Variants in PSMD13 observed in about 807,000 individuals in gnomAD.
The protein encoded by PSMD13 is proteasome 26S subunit, non-ATPase 13, also known as 26S proteasome non-ATPase regulatory subunit 13.
PSMD13 carries 8 observed loss-of-function variants against 57.4 expected under a neutral mutation model. The ratio of observed to expected loss-of-function variants is 0.14; its 90% CI spans 0.08 to 0.25. The LOEUF (loss-of-function observed/expected upper bound fraction) is 0.25, where lower values mean the gene tolerates loss of function less well. PSMD13 is among the 10% of genes least tolerant of loss of function. The probability of loss-of-function intolerance (pLI) is 1.00; values close to 1 mark genes in which losing one functional copy is unlikely to be tolerated. For synonymous variants in PSMD13, 193 were observed against 168.2 expected, an observed-to-expected ratio of 1.15 and a Z score of -1.14; for missense variants, 400 against 461.5, an observed-to-expected ratio of 0.87 and a Z score of 1.22.
In PSMD13 at chr11:251,655, G is replaced by A. The variant is rs1453464392; in HGVS notation, c.918+29G>A. The A allele has an allele frequency of 1.9e-6, 3 of 1,594,296 alleles. No homozygotes were observed. The highest frequency in any genetic ancestry group is 2.6e-6 in the Non-Finnish European group (3 of 1,163,678). ...CGGTCCCTAGGCTCAGGGTGTTAGA[G>A]CAGCAAAGCTGCCACATGGAGGAGT... On this transcript the variant is annotated intron_variant, in intron 11 of 12. Coordinates refer to ENST00000532097, the MANE Select transcript of PSMD13 (RefSeq NM_002817.4). The surrounding 1 kb of genome is among the most constrained non-coding windows in gnomAD (Gnocchi z 4.6).
chr11:243,093 T>C (rs6598067), intron 2 of PSMD13: 422,085 of 513,874 alleles, frequency 0.82, 173,426 homozygotes, highest in African/African-American at 0.89. Flanking sequence ...TGCGCCCGGA[T>C]GGTTACGTCT....
intron 7 of PSMD13, 159 bp downstream of exon 7, chr11:247,607 G>A: frequency 1.4e-6 from 1 of 718,638 alleles, no homozygotes; most frequent in South Asian, 2.0e-5. Flanking sequence ...TGAAGTGAGT[G>A]GATCACCTGA....
At chr11:239,125 C>G in intron 2 of PSMD13, 49 bp downstream of exon 2, 1 of 1,486,084 alleles carries the variant, frequency 6.7e-7, no homozygotes, top group Non-Finnish European at 9.4e-7. Flanking sequence ...TGCTCAAGGA[C>G]TTTTGAAAAT....
At chr11:243,240 G>A in intron 2 of PSMD13, 1 of 519,940 alleles carries the variant, frequency 1.9e-6, no homozygotes, top group South Asian at 1.7e-5. Context: ...GGTGGGAAAT[G>A]TACAAGATAG....
chr11:252,782 G>A lies in PSMD13; in HGVS notation c.*182G>A. 1 of 581,828 alleles carries A rather than the reference G, an allele frequency of 1.7e-6. No individual in the cohort carries two copies. The allele number at this position is 581,828 out of a possible 1,614,324, so 36.0% of individuals were successfully genotyped here. ...CCTGATGGGAGCCAGGCCACAGGGA[G>A]GAGGCTTCTTTGTGGGTCTCTCCTG... On this transcript the variant is annotated 3_prime_UTR_variant, in exon 13 of 13. Transcript: ENST00000532097. The surrounding 1 kb of genome is among the most constrained non-coding windows in gnomAD (Gnocchi z 4.1).
At chr11:245,641 CGTGTGTGTGTGTGTGTGTGT>C (rs4029226) in intron 6 of PSMD13, among the ~76,000 whole-genome samples, 11 of 122,430 alleles carry the variant, frequency 9.0e-5, no homozygotes, top group East Asian at 4.8e-4. Flanking sequence ...TGAACCAGAA[CGTGTGTGTGTGTGTGTGTGT>C]GTGTGTGTGT....
intron 4 of PSMD13, 100 bp from the exon 5 acceptor site, chr11:244,326 T>C (rs1382877962): frequency 4.4e-6 from 7 of 1,576,926 alleles, no homozygotes; most frequent in Non-Finnish European, 6.0e-6. Context: ...GTTTTTATTA[T>C]ACTTTATGGT....
chr11:247,282 A>C lies in PSMD13; in HGVS notation c.402A>C (p.Thr134=), dbSNP rs773473308. Residue 134 remains threonine (T), a synonymous_variant, in exon 7 of 13, where the codon ACA becomes ACC. Coordinates refer to ENST00000532097, the MANE Select transcript of PSMD13 (RefSeq NM_002817.4). ...ATTTTCCTTCCTGTGTATAGGAAAC[A>C]ATTGAAGATGTTGAAGAAATGCTCA... is the stretch of plus-strand genomic sequence containing the variant. ...NIGDLQVTKE[T]IEDVEEMLNN... 2.4e-5 allele frequency: 38 copies of C among 1,610,980 alleles called. No individual in the cohort carries two copies. The highest frequency in any genetic ancestry group is 3.0e-5 in the Non-Finnish European group (35 of 1,178,982).
chr11:244,766 G>A lies in PSMD13; in HGVS notation c.396+5G>A, dbSNP rs1250499017. 1 of 1,591,636 alleles carries A rather than the reference G, an allele frequency of 6.3e-7. No homozygotes were observed. The highest frequency in any genetic ancestry group is 1.7e-5 in the Admixed American group (1 of 58,980). ...GGGGACCTACAGGTTACAAAGGTGA[G>A]ATCACCATAATACAGATTTATCTTT... On this transcript the variant is annotated splice_donor_5th_base_variant and intron_variant, in intron 6 of 12. Coordinates refer to ENST00000532097, the MANE Select transcript of PSMD13 (RefSeq NM_002817.4).
Position 252,095 on chromosome 11 carries a change from T to G in PSMD13, c.1035+159T>G. On this transcript the variant is annotated intron_variant, in intron 12 of 12. Coordinates refer to ENST00000532097, the MANE Select transcript of PSMD13 (RefSeq NM_002817.4). The surrounding 1 kb of genome is among the most constrained non-coding windows in gnomAD (Gnocchi z 4.1). Reference sequence around the variant, plus strand: ...CTGCTGTTGGGTTTTTCTAAGAGCCTAATTTAATGCAAGCCTAGGGTTTGA... The same window carrying G: ...CTGCTGTTGGGTTTTTCTAAGAGCCGAATTTAATGCAAGCCTAGGGTTTGA... The G allele has an allele frequency of 1.5e-6, 1 of 681,188 alleles. No homozygotes were observed. The highest frequency in any genetic ancestry group is 1.8e-5 in the South Asian group (1 of 54,214). The allele number at this position is 681,188 out of a possible 1,614,324, so 42.2% of individuals were successfully genotyped here.
rs1859758627 is a variant in PSMD13 at position 251,165 on chromosome 11, T to C, written c.837+300T>C. Reference sequence around the variant, plus strand: ...TCCCCGTGATGCAGTTGTTGCCTCATTGCATGTCGCTTCTTGTGTACACGC... The same window carrying C: ...TCCCCGTGATGCAGTTGTTGCCTCACTGCATGTCGCTTCTTGTGTACACGC... On this transcript the variant is annotated intron_variant, in intron 10 of 12. Coordinates refer to ENST00000532097, the MANE Select transcript of PSMD13 (RefSeq NM_002817.4). The surrounding 1 kb of genome is among the most constrained non-coding windows in gnomAD (Gnocchi z 4.6). 2 of 463,844 alleles carry C rather than the reference T, an allele frequency of 4.3e-6. No homozygotes were observed. Among genetic ancestry groups the C allele is most frequent in the Admixed American group, 7.1e-5 (2 of 28,276 alleles). 28.7% of individuals were successfully genotyped at this position (463,844 alleles called of 1,614,324 possible).
chr11:245,992 A>C (rs1314991304), intron 6 of PSMD13, among the ~76,000 whole-genome samples: 1 of 152,162 alleles, frequency 6.6e-6, no homozygotes, highest in African/African-American at 2.4e-5. Flanking sequence ...TCAGGGTCCC[A>C]GTACCCTTCA....
intron 7 of PSMD13, 137 bp from the exon 8 acceptor site, chr11:248,639 G>C (rs1269471757): frequency 1.3e-6 from 1 of 796,678 alleles, no homozygotes; most frequent in African/African-American, 1.7e-5. Context: ...CTTCAGAAGA[G>C]GTGACTAATG....
In PSMD13 at chr11:244,574, C is replaced by G. The variant is rs1590249245; in HGVS notation, c.310-101C>G. ...TCCAGACCTTTAGAGACCACAAGGC[C>G]TCTAGTCATCAAGGTTAAGTTAATG... On this transcript the variant is annotated intron_variant, in intron 5 of 12. Transcript: ENST00000532097. 1.6e-5 allele frequency: 24 copies of G among 1,506,216 alleles called. No homozygotes were observed. In the East Asian group the frequency reaches 5.4e-4, roughly 34 times the overall value. 93.3% of individuals were successfully genotyped at this position (1,506,216 alleles called of 1,614,324 possible).
At chr11:244,349 ATTACCCTACCTAAGGGTGTC>A in intron 4 of PSMD13, 57 bp from the exon 5 acceptor site, 1 of 1,579,534 alleles carries the variant, frequency 6.3e-7, no homozygotes, top group Middle Eastern at 1.7e-4. Flanking sequence ...AAACCTAAAG[ATTACCCTACCTAAGGGTGTC>A]TTGGTTAGCA....
intron 7 of PSMD13, chr11:247,894 GA>G (rs1859686096): frequency 6.5e-6 from 1 of 153,664 alleles, no homozygotes; most frequent in Non-Finnish European, 1.4e-5. Context: ...AAAATGGGAA[GA>G]TTTGTGTAAC....
chr11:241,805 AC>A (rs1452353595), intron 2 of PSMD13, among the ~76,000 whole-genome samples: 1 of 151,924 alleles, frequency 6.6e-6, no homozygotes, highest in Non-Finnish European at 1.5e-5. Flanking sequence ...AGTCTCTTTC[AC>A]CTGCTGTCCT....
chr11:239,516 G>T (rs1228358387), intron 2 of PSMD13, among the ~76,000 whole-genome samples: 1 of 152,140 alleles, frequency 6.6e-6, no homozygotes, highest in Non-Finnish European at 1.5e-5. Context: ...GGGAATCTTA[G>T]ATAACTTCCA....
In PSMD13 at chr11:244,736, A is replaced by C. The variant is rs746572839; in HGVS notation, c.371A>C (p.Asn124Thr). Residue 124 changes from asparagine (N) to threonine (T), a missense_variant, in exon 6 of 13, where the codon AAC becomes ACC. Asn to Thr is a moderately conservative substitution (Grantham distance 65, BLOSUM62 0). Coordinates refer to ENST00000532097, the MANE Select transcript of PSMD13 (RefSeq NM_002817.4). Reference protein sequence around the residue: ...CKTAIGALKLNIGDLQVTKET... With the variant: ...CKTAIGALKLTIGDLQVTKET... ...ACAGCAATTGGAGCTCTAAAATTAA[A>C]CATCGGGGACCTACAGGTTACAAAG... 2 of 1,613,662 alleles carry C rather than the reference A, an allele frequency of 1.2e-6. No individual in the cohort carries two copies. Among genetic ancestry groups the C allele is most frequent in the South Asian group, 2.2e-5 (2 of 91,026 alleles).
Sources: allele counts gnomAD v4.1 joint callset (sites outside exome capture counted in the v4.1 genomes callset), GRCh38; gene constraint gnomAD v4.1.1; non-coding constraint Gnocchi (gnomAD v3.1); transcripts MANE v1.5; gene names NCBI Gene and HGNC (gene_info 2026-07-23, HGNC 2026-07-21).